Variants in CADPS2 observed in about 807,000 individuals in gnomAD.
CADPS2 encodes calcium-dependent secretion activator 2.
CADPS2 carries 93 observed loss-of-function variants against 172.5 expected under a neutral mutation model. The observed-to-expected ratio is 0.54, with a 90% CI of 0.46 to 0.64. The LOEUF (loss-of-function observed/expected upper bound fraction) is 0.64, where lower values mean the gene tolerates loss of function less well. Among genes scored for constraint, CADPS2 ranks in the 30% least tolerant of loss-of-function variants. CADPS2 has a pLI of 0.00. For synonymous variants in CADPS2, 546 were observed against 555.2 expected, an observed-to-expected ratio of 0.98 and a Z score of 0.23; for missense variants, 1,420 against 1,565.9, an observed-to-expected ratio of 0.91 and a Z score of 1.57.
chr7:122,550,250 A>T (rs574972057), intron 8 of CADPS2, among the ~76,000 whole-genome samples: 1 of 152,346 alleles, frequency 6.6e-6, no homozygotes, highest in South Asian at 2.1e-4. Flanking sequence ...TATGATGGAA[A>T]TTAAACTACA....
chr7:122,827,346 A>G (rs1485072824), intron 1 of CADPS2, among the ~76,000 whole-genome samples: 1 of 152,176 alleles, frequency 6.6e-6, no homozygotes, highest in Non-Finnish European at 1.5e-5. Context: ...AGAAAATTCT[A>G]GTAAATATTT....
intron 1 of CADPS2, among the ~76,000 whole-genome samples, chr7:122,847,983 C>T (rs368066059): frequency 6.6e-5 from 10 of 152,326 alleles, no homozygotes; most frequent in African/African-American, 2.2e-4. Context: ...GAAAACTAAT[C>T]TTCTAGAGCA....
At chr7:122,715,360 T>C (rs920689321) in intron 2 of CADPS2, among the ~76,000 whole-genome samples, 3 of 152,080 alleles carry the variant, frequency 2.0e-5, no homozygotes, top group Non-Finnish European at 2.9e-5. Context: ...ATCTCCTAGG[T>C]AAGGTTTCTC....
intron 7 of CADPS2, among the ~76,000 whole-genome samples, chr7:122,563,562 A>G (rs2066025083): frequency 6.6e-6 from 1 of 152,126 alleles, no homozygotes; most frequent in Non-Finnish European, 1.5e-5. Context: ...CGCCCCCCTC[A>G]ATTCAACATA....
At chr7:122,885,881 G>C in intron 1 of CADPS2, 118 bp downstream of exon 1, 1 of 1,242,304 alleles carries the variant, frequency 8.0e-7, no homozygotes, top group Admixed American at 2.0e-5. Flanking sequence ...TGCCCTCAGA[G>C]ACTAACAAAA....
intron 2 of CADPS2, among the ~76,000 whole-genome samples, chr7:122,674,127 G>C (rs184454273): frequency 2.4e-4 from 37 of 152,222 alleles, no homozygotes; most frequent in African/African-American, 7.9e-4. Context: ...TCCAAGTGTG[G>C]GGCCCACTGA....
chr7:122,441,242 G>T (rs1417661651), intron 16 of CADPS2, among the ~76,000 whole-genome samples: 1 of 152,060 alleles, frequency 6.6e-6, no homozygotes, highest in African/African-American at 2.4e-5. Context: ...TATTTCATGA[G>T]GGAAATAAAG....
At chr7:122,335,795 A>C (rs1026174044) in intron 28 of CADPS2, among the ~76,000 whole-genome samples, 1 of 152,186 alleles carries the variant, frequency 6.6e-6, no homozygotes, top group Non-Finnish European at 1.5e-5. Context: ...TTAAACAAAT[A>C]GGGATTATTT....
At chr7:122,847,186 A>AAGT (rs1812219623) in intron 1 of CADPS2, among the ~76,000 whole-genome samples, 1 of 152,060 alleles carries the variant, frequency 6.6e-6, no homozygotes, top group Non-Finnish European at 1.5e-5. Context: ...TCCTGGGTTC[A>AAGT]AGCAATTCTC....
intron 2 of CADPS2, among the ~76,000 whole-genome samples, chr7:122,726,884 A>C (rs1319281322): frequency 6.6e-6 from 1 of 152,000 alleles, no homozygotes; most frequent in Non-Finnish European, 1.5e-5. Context: ...TGACAAGATA[A>C]AGTAAAATGA....
intron 2 of CADPS2, among the ~76,000 whole-genome samples, chr7:122,712,438 C>G (rs565834798): frequency 3.3e-5 from 5 of 152,208 alleles, no homozygotes; most frequent in African/African-American, 9.6e-5. Flanking sequence ...TTATCAAGAC[C>G]CTACTATGTG....
chr7:122,698,083 T>C, intron 2 of CADPS2: 3 of 1,613,952 alleles, frequency 1.9e-6, no homozygotes, highest in Non-Finnish European at 2.5e-6. Flanking sequence ...GCAATTCTTG[T>C]GGAAAAAATG....
At chr7:122,732,142 C>T (rs185107756) in intron 2 of CADPS2, among the ~76,000 whole-genome samples, 1 of 151,326 alleles carries the variant, frequency 6.6e-6, no homozygotes. Context: ...CATAGAAATA[C>T]CCAAAAAGAT....
At chr7:122,820,848 C>T (rs1401500060) in intron 1 of CADPS2, among the ~76,000 whole-genome samples, 9 of 139,926 alleles carry the variant, frequency 6.4e-5, no homozygotes, top group African/African-American at 1.6e-4. Flanking sequence ...CGTGAGCCAC[C>T]GCGCCCGGCC....
chr7:122,342,251 CT>C (rs1286644726), intron 28 of CADPS2, among the ~76,000 whole-genome samples: 1 of 152,152 alleles, frequency 6.6e-6, no homozygotes, highest in East Asian at 1.9e-4. Context: ...CGGTAAATGG[CT>C]GTGTAGGTTG....
intron 1 of CADPS2, among the ~76,000 whole-genome samples, chr7:122,747,198 C>A (rs1183697731): frequency 6.6e-6 from 1 of 152,004 alleles, no homozygotes; most frequent in African/African-American, 2.4e-5. Context: ...CAATAGAAAG[C>A]CATTCCCCCC....
At chr7:122,752,382 T>C (rs1193244498) in intron 1 of CADPS2, among the ~76,000 whole-genome samples, 1 of 152,190 alleles carries the variant, frequency 6.6e-6, no homozygotes, top group Non-Finnish European at 1.5e-5. Context: ...ATCCTGAGTA[T>C]TATAAATCTC....
At chr7:122,543,576 CAAG>C (rs963687196) in intron 8 of CADPS2, among the ~76,000 whole-genome samples, 1 of 152,020 alleles carries the variant, frequency 6.6e-6, no homozygotes, top group Non-Finnish European at 1.5e-5. Context: ...GTCCAGCCCA[CAAG>C]AAGTTGATCT....
chr7:122,563,222 T>C (rs189502683), intron 7 of CADPS2, among the ~76,000 whole-genome samples: 101 of 152,326 alleles, frequency 6.6e-4, no homozygotes, highest in African/African-American at 2.4e-3. Flanking sequence ...AAAGCATCAC[T>C]ATTCTTGATC....
Sources: gnomAD v4.1 joint callset for allele counts (sites outside exome capture counted in the v4.1 genomes callset) on GRCh38, gnomAD v4.1.1 for gene constraint, MANE v1.5 for transcripts, NCBI Gene and HGNC (gene_info 2026-07-23, HGNC 2026-07-21) for gene names.